Variants in RELL1 observed in about 807,000 individuals in gnomAD.
RELL1 encodes the protein RELT-like protein 1.
Under a neutral mutation model 23.0 loss-of-function variants are expected in RELL1, and 10 were observed. The ratio of observed to expected loss-of-function variants is 0.43; its 90% CI spans 0.27 to 0.74. The LOEUF (loss-of-function observed/expected upper bound fraction) is 0.74, where lower values mean the gene tolerates loss of function less well. Ranked by LOEUF, RELL1 falls within the 30% of genes least tolerant of loss-of-function variation. The probability of loss-of-function intolerance (pLI) is 0.19; values close to 1 mark genes in which losing one functional copy is unlikely to be tolerated. For synonymous variants in RELL1, 146 were observed against 146.8 expected, an observed-to-expected ratio of 0.99 and a Z score of 0.04; for missense variants, 315 against 364.4, an observed-to-expected ratio of 0.86 and a Z score of 1.10.
intron 6 of RELL1, among the ~76,000 whole-genome samples, chr4:37,604,900 G>GACACACACACAGAC (rs1719141272): frequency 1.5e-5 from 1 of 65,618 alleles, no homozygotes; most frequent in African/African-American, 8.2e-5. Flanking sequence ...CACACACACA[G>GACACACACACAGAC]ACACACACAC....
downstream of RELL1, among the ~76,000 whole-genome samples, chr4:37,608,561 T>G (rs1719290323): frequency 1.3e-5 from 2 of 151,594 alleles, no homozygotes; most frequent in South Asian, 4.2e-4. Flanking sequence ...CTGAAAGAAG[T>G]GAGGAAGCTG....
chr4:37,635,408 T>C (rs775787892), intron 4 of RELL1, among the ~76,000 whole-genome samples: 2 of 152,128 alleles, frequency 1.3e-5, no homozygotes, highest in Admixed American at 6.5e-5. Flanking sequence ...GGAGGATTGC[T>C]TGTGGCCAGG....
downstream of RELL1, chr4:37,588,791 T>C: frequency 7.7e-7 from 1 of 1,290,800 alleles, no homozygotes; most frequent in Non-Finnish European, 1.1e-6. Flanking sequence ...GCAAACTTAA[T>C]TCCTACTAAT....
At chr4:37,601,011 T>A (rs575818795) in intron 6 of RELL1, among the ~76,000 whole-genome samples, 11 of 152,024 alleles carry the variant, frequency 7.2e-5, no homozygotes, top group Non-Finnish European at 1.5e-4. Context: ...CATAAAAGGG[T>A]TAAGATAAAA....
At chr4:37,593,704 G>C (rs140896005) in intron 6 of RELL1, among the ~76,000 whole-genome samples, 2 of 152,122 alleles carry the variant, frequency 1.3e-5, no homozygotes, top group South Asian at 4.2e-4. Context: ...AATGAGTTTC[G>C]AGGCGGTCAG....
chr4:37,663,571 T>A (rs1721426088), intron 1 of RELL1, among the ~76,000 whole-genome samples: 1 of 152,196 alleles, frequency 6.6e-6, no homozygotes, highest in African/African-American at 2.4e-5. Flanking sequence ...TCTGGATGCT[T>A]CCTGGGCAAT....
downstream of RELL1, among the ~76,000 whole-genome samples, chr4:37,608,153 C>T (rs559322652): frequency 2.3e-4 from 35 of 152,256 alleles, no homozygotes; most frequent in East Asian, 6.7e-3. Flanking sequence ...TCTCCCTCTC[C>T]TCAGGCCTCC....
chr4:37,586,801 T>C (rs1718360844), downstream of RELL1, among the ~76,000 whole-genome samples: 1 of 152,044 alleles, frequency 6.6e-6, no homozygotes, highest in Admixed American at 6.5e-5. Context: ...TCCCAGCTAC[T>C]GGGGAGGCTG....
intron 1 of RELL1, among the ~76,000 whole-genome samples, chr4:37,661,699 A>C (rs990097364): frequency 6.6e-6 from 1 of 152,262 alleles, no homozygotes; most frequent in African/African-American, 2.4e-5. Context: ...TACAGAGATA[A>C]CTAAAGTCAC....
Position 37,649,305 on chromosome 4 carries a change from T to G in RELL1, c.284A>C (p.Asp95Ala). 6.2e-7 allele frequency: 1 copy of G among 1,614,236 alleles called. No individual in the cohort carries two copies. The highest frequency in any genetic ancestry group is 8.5e-7 in the Non-Finnish European group (1 of 1,180,030). The stretch of plus-strand genomic sequence containing the variant: ...CTTTTCAACCTTTTCCTCTTCGATA[T>G]CTTGCTCTGCTTCTGTTGTACAACG... Reference protein sequence around the residue: ...GYRCTTEAEQDIEEEKVEKIE... With the variant: ...GYRCTTEAEQAIEEEKVEKIE... Residue 95 changes from aspartate to alanine, a missense_variant, in exon 2 of 7, where the codon GAT (aspartate) becomes GCT (alanine). Transcript: ENST00000454158.
chr4:37,652,508 C>A (rs186328170), intron 1 of RELL1, among the ~76,000 whole-genome samples: 273 of 152,280 alleles, frequency 1.8e-3, no homozygotes, highest in Non-Finnish European at 2.3e-3. Flanking sequence ...ACATATTCCA[C>A]GCAACAAGAA....
chr4:37,670,058 A>T (rs1339112608), intron 1 of RELL1, among the ~76,000 whole-genome samples: 17 of 138,552 alleles, frequency 1.2e-4, no homozygotes, highest in South Asian at 4.4e-4. Context: ...AATAAATATA[A>T]AAAAAAAAAA....
intron 1 of RELL1, among the ~76,000 whole-genome samples, chr4:37,661,721 C>G (rs1474210502): frequency 6.6e-6 from 1 of 152,202 alleles, no homozygotes; most frequent in Admixed American, 6.5e-5. Flanking sequence ...GTCTCTAAGA[C>G]CATCTACCCA....
At chr4:37,668,912 C>T (rs2109305837) in intron 1 of RELL1, among the ~76,000 whole-genome samples, 1 of 151,898 alleles carries the variant, frequency 6.6e-6, no homozygotes, top group South Asian at 2.1e-4. Context: ...GCCGCCCCGT[C>T]TGAGAAGTGA....
intron 1 of RELL1, among the ~76,000 whole-genome samples, chr4:37,678,747 C>T (rs1173225219): frequency 1.3e-5 from 2 of 152,232 alleles, no homozygotes; most frequent in Non-Finnish European, 2.9e-5. Context: ...CTAGTTTTAT[C>T]TTACATAACT....
chr4:37,609,209 C>T (rs56391014), downstream of RELL1, among the ~76,000 whole-genome samples: 31,149 of 151,954 alleles, frequency 0.2, 4,840 homozygotes, highest in African/African-American at 0.41. Flanking sequence ...GCTCATTTAC[C>T]ATCTTGAAAA....
chr4:37,590,321 C>T (rs754189646), downstream of RELL1: 2 of 1,613,712 alleles, frequency 1.2e-6, no homozygotes, highest in South Asian at 1.1e-5. Flanking sequence ...CAGGGGGACG[C>T]TGGAGGGGAA....
At chr4:37,602,064 T>G (rs542928211) in intron 6 of RELL1, among the ~76,000 whole-genome samples, 1 of 151,538 alleles carries the variant, frequency 6.6e-6, no homozygotes, top group Non-Finnish European at 1.5e-5. Context: ...AAATACAAAA[T>G]AAAGTAGCTG....
At chr4:37,683,619 A>C (rs560970238) in intron 1 of RELL1, among the ~76,000 whole-genome samples, 79 of 152,192 alleles carry the variant, frequency 5.2e-4, no homozygotes, top group Non-Finnish European at 9.9e-4. Flanking sequence ...TTTGCCAGGC[A>C]TGGTGGCGGG....
Sources: allele counts gnomAD v4.1 joint callset (sites outside exome capture counted in the v4.1 genomes callset), GRCh38; gene constraint gnomAD v4.1.1; transcripts MANE v1.5; gene names NCBI Gene and HGNC (gene_info 2026-07-23, HGNC 2026-07-21).